Variants in DOCK3 observed in about 807,000 individuals in gnomAD.
DOCK3 encodes the protein dedicator of cytokinesis 3.
DOCK3 carries 60 observed loss-of-function variants against 265.6 expected under a neutral mutation model. The ratio of observed to expected loss-of-function variants is 0.23; its 90% CI spans 0.18 to 0.28. DOCK3 has a LOEUF of 0.28. DOCK3 is among the 10% of genes least tolerant of loss of function. DOCK3 has a pLI of 1.00. For missense variants in DOCK3, 1,981 were observed against 2,594.3 expected, an observed-to-expected ratio of 0.76 and a Z score of 5.14; for synonymous variants, 881 against 938.0, an observed-to-expected ratio of 0.94 and a Z score of 1.11.
At chr3:50,826,709 T>C (rs1214389827) in intron 2 of DOCK3, among the ~76,000 whole-genome samples, 2 of 152,040 alleles carry the variant, frequency 1.3e-5, no homozygotes, top group Admixed American at 6.6e-5. Flanking sequence ...CTGGATACTG[T>C]AGAAAAAGAA....
chr3:50,860,491 T>G (rs1001689797), intron 3 of DOCK3, among the ~76,000 whole-genome samples: 5 of 152,190 alleles, frequency 3.3e-5, no homozygotes, highest in African/African-American at 4.8e-5. Flanking sequence ...TACTGTATGC[T>G]TGGGGTATAC....
chr3:51,354,642 T>C (rs574103440), intron 40 of DOCK3, among the ~76,000 whole-genome samples: 1 of 152,316 alleles, frequency 6.6e-6, no homozygotes, highest in South Asian at 2.1e-4. Flanking sequence ...GTAAGGTTTT[T>C]CTTCTTCTTC....
intron 6 of DOCK3, among the ~76,000 whole-genome samples, chr3:51,065,869 T>G (rs899646776): frequency 1.9e-4 from 29 of 152,156 alleles, no homozygotes; most frequent in African/African-American, 6.3e-4. Flanking sequence ...AAGAAAAGCT[T>G]CTACAAGACA....
intron 1 of DOCK3, among the ~76,000 whole-genome samples, chr3:50,764,257 G>A (rs2040719414): frequency 6.6e-6 from 1 of 152,048 alleles, no homozygotes; most frequent in South Asian, 2.1e-4. Flanking sequence ...AAATACTACA[G>A]AAGCTGTATA....
chr3:51,130,462 A>C (rs1340508299), intron 9 of DOCK3, among the ~76,000 whole-genome samples: 1 of 152,224 alleles, frequency 6.6e-6, no homozygotes, highest in Non-Finnish European at 1.5e-5. Flanking sequence ...GTACCAGGAG[A>C]TGTGTTAATT....
chr3:51,103,285 A>G (rs73833983), intron 9 of DOCK3, among the ~76,000 whole-genome samples: 3,269 of 152,318 alleles, frequency 0.021, 130 homozygotes, highest in African/African-American at 0.075. Flanking sequence ...CTGTGCTACA[A>G]TGAGACTACA....
intron 5 of DOCK3, among the ~76,000 whole-genome samples, chr3:50,962,187 G>A (rs1433775219): frequency 6.6e-6 from 1 of 151,966 alleles, no homozygotes; most frequent in Non-Finnish European, 1.5e-5. Flanking sequence ...GGTGTGTGAT[G>A]TACCCCTCCC....
chr3:51,362,624 C>T lies in DOCK3; in HGVS notation c.5243C>T (p.Thr1748Ile). ...CCTTCTTCCTCCAGCCTGAGTTCCA[C>T]TCACTCAGCACCATCCCAGATGATT... is the stretch of plus-strand genomic sequence containing the variant. ...ASPSSSSLSSTHSAPSQMITS... is the reference protein window; with the variant it reads ...ASPSSSSLSSIHSAPSQMITS... Residue 1748 changes from threonine (T) to isoleucine (I), a missense_variant, in exon 49 of 53, where the codon ACT becomes ATT. Coordinates refer to ENST00000266037, the MANE Select transcript of DOCK3 (RefSeq NM_004947.5). The T allele has an allele frequency of 1.9e-6, 3 of 1,613,988 alleles. No individual in the cohort carries two copies. Among genetic ancestry groups the T allele is most frequent in the Non-Finnish European group, 1.7e-6 (2 of 1,179,880 alleles).
intron 12 of DOCK3, among the ~76,000 whole-genome samples, chr3:51,193,723 C>G (rs2088090624): frequency 6.7e-6 from 1 of 149,756 alleles, no homozygotes; most frequent in African/African-American, 2.4e-5. Context: ...ATAATAGTCT[C>G]TAATGATTCT....
chr3:51,360,265 C>T (rs1576932189), intron 46 of DOCK3, among the ~76,000 whole-genome samples: 1 of 152,226 alleles, frequency 6.6e-6, no homozygotes, highest in Non-Finnish European at 1.5e-5. Flanking sequence ...AGATGTGCTT[C>T]TCTTAATGTG....
chr3:50,696,977 C>T (rs1401943160), intron 1 of DOCK3, among the ~76,000 whole-genome samples: 1 of 149,882 alleles, frequency 6.7e-6, no homozygotes, highest in South Asian at 2.1e-4. Context: ...GTTGCTCAGG[C>T]TGGCATGCAG....
intron 13 of DOCK3, among the ~76,000 whole-genome samples, chr3:51,210,344 C>T (rs1397434546): frequency 6.6e-6 from 1 of 152,202 alleles, no homozygotes; most frequent in Non-Finnish European, 1.5e-5. Context: ...TGGGGCACCA[C>T]AGACTTCAGA....
intron 4 of DOCK3, among the ~76,000 whole-genome samples, chr3:50,904,746 T>C (rs2049388562): frequency 6.6e-6 from 1 of 152,080 alleles, no homozygotes; most frequent in South Asian, 2.1e-4. Flanking sequence ...CTGATGGTAG[T>C]TTCTTTTGCT....
intron 1 of DOCK3, among the ~76,000 whole-genome samples, chr3:50,774,121 TAG>T (rs1170359293): frequency 6.6e-6 from 1 of 151,992 alleles, no homozygotes; most frequent in Non-Finnish European, 1.5e-5. Flanking sequence ...CACATGCAAA[TAG>T]ACTCATGGTA....
chr3:51,054,296 T>C (rs186842749), intron 5 of DOCK3, among the ~76,000 whole-genome samples: 108 of 152,310 alleles, frequency 7.1e-4, no homozygotes, highest in African/African-American at 2.4e-3. Context: ...CATTATTTTC[T>C]AGCTTCCAGT....
At chr3:50,972,417 C>G (rs535438580) in intron 5 of DOCK3, among the ~76,000 whole-genome samples, 1 of 152,240 alleles carries the variant, frequency 6.6e-6, no homozygotes, top group African/African-American at 2.4e-5. Flanking sequence ...TGGAACCACA[C>G]TCTTCCCTTT....
chr3:50,835,736 T>C lies in DOCK3; in HGVS notation c.122-5939T>C, dbSNP rs1244702239. On this transcript the variant is annotated intron_variant, in intron 2 of 52. Coordinates refer to ENST00000266037, the MANE Select transcript of DOCK3 (RefSeq NM_004947.5). ...ACAAAACCCAAAATTAAGGGTTCCA[T>C]TTTTGTAGCAGATTCTGGATCTTCA... 2.6e-5 allele frequency among the ~76,000 whole-genome samples: 4 copies of C among 152,208 alleles called. No homozygotes were observed. The East Asian group carries it at 7.7e-4, about 29-fold the overall frequency.
At chr3:51,365,106 A>G (rs925457514) in intron 49 of DOCK3, among the ~76,000 whole-genome samples, 2 of 152,162 alleles carry the variant, frequency 1.3e-5, no homozygotes, top group East Asian at 3.8e-4. Flanking sequence ...GATTCTTCCT[A>G]TCCATGAGCA....
intron 3 of DOCK3, among the ~76,000 whole-genome samples, chr3:50,867,027 T>A (rs2047177142): frequency 6.6e-6 from 1 of 152,210 alleles, no homozygotes; most frequent in South Asian, 2.1e-4. Context: ...CTTTGGGAAG[T>A]ATAAACACTT....
Sources: allele counts gnomAD v4.1 joint callset (sites outside exome capture counted in the v4.1 genomes callset), GRCh38; gene constraint gnomAD v4.1.1; transcripts MANE v1.5; gene names NCBI Gene and HGNC (gene_info 2026-07-23, HGNC 2026-07-21).